Variants in ZSCAN30 observed in about 807,000 individuals in gnomAD.
The protein encoded by ZSCAN30 is zinc finger and SCAN domain containing 30.
A neutral mutation model predicts 44.3 loss-of-function variants in ZSCAN30; 37 were observed. The observed-to-expected ratio is 0.84, with a 90% CI of 0.64 to 1.10. The LOEUF (loss-of-function observed/expected upper bound fraction) is 1.10, where lower values mean the gene tolerates loss of function less well. Ranked by LOEUF, ZSCAN30 falls within the 50% of genes least tolerant of loss-of-function variation. The probability of loss-of-function intolerance (pLI) is 0.00; values close to 1 mark genes in which losing one functional copy is unlikely to be tolerated. For missense variants in ZSCAN30, 549 were observed against 582.6 expected, an observed-to-expected ratio of 0.94 and a Z score of 0.59; for synonymous variants, 181 against 204.6, an observed-to-expected ratio of 0.88 and a Z score of 0.98.
chr18:35,276,520 C>T (rs1016018608), intron 1 of ZSCAN30, among the ~76,000 whole-genome samples: 15 of 152,144 alleles, frequency 9.9e-5, no homozygotes, highest in East Asian at 9.6e-4. Flanking sequence ...GCATCCTAGC[C>T]GCTCCAGCCA....
chr18:35,260,665 A>C (rs1204096303), intron 3 of ZSCAN30: 2 of 152,020 alleles, frequency 1.3e-5, no homozygotes, highest in African/African-American at 4.8e-5. Context: ...TCTTCTTTTG[A>C]GGTCTCTGTT....
At chr18:35,269,852 A>C (rs1487444295) in intron 1 of ZSCAN30, 8 of 152,180 alleles carry the variant, frequency 5.3e-5, no homozygotes, top group Admixed American at 4.6e-4. Context: ...CAAAAAAAAA[A>C]AAAAAGACTG....
intron 1 of ZSCAN30, among the ~76,000 whole-genome samples, chr18:35,274,034 T>A (rs188059203): frequency 3.9e-5 from 6 of 152,208 alleles, no homozygotes; most frequent in African/African-American, 1.4e-4. Flanking sequence ...TCTTTATTTT[T>A]TGAGACGGAG....
chr18:35,254,335 A>T lies in ZSCAN30; in HGVS notation c.600T>A (p.Ile200=). 1 of 1,613,924 alleles carries T rather than the reference A, an allele frequency of 6.2e-7. No homozygotes were observed. Among genetic ancestry groups the T allele is most frequent in the Non-Finnish European group, 8.5e-7 (1 of 1,179,768 alleles). Residue 200 remains isoleucine (I), a synonymous_variant, in exon 4 of 4, where the codon ATT becomes ATA. Coordinates refer to ENST00000333206, the MANE Select transcript of ZSCAN30 (RefSeq NM_001112734.4). ...AGKVLMAKQE[I]VECVASAAMI... The stretch of plus-strand genomic sequence containing the variant: ...TAGCTGCTGAGGCTACACATTCAAC[A>T]ATTTCTTGCTTTGCCATCAACACTT...
intron 1 of ZSCAN30, chr18:35,283,480 G>C (rs1272247317): frequency 6.6e-6 from 1 of 152,300 alleles, no homozygotes; most frequent in Non-Finnish European, 1.5e-5. Context: ...GGCTGTGCTT[G>C]GCTAATGCTA....
At chr18:35,261,472 T>A (rs1388111124) in intron 3 of ZSCAN30, 1 of 152,252 alleles carries the variant, frequency 6.6e-6, no homozygotes, top group African/African-American at 2.4e-5. Flanking sequence ...ATATTAATTC[T>A]TCCTATCCAT....
Position 35,254,461 on chromosome 18 carries a change from A to G in ZSCAN30, c.554-80T>C, listed in dbSNP as rs544604496. On this transcript the variant is annotated intron_variant, in intron 3 of 3. Coordinates refer to ENST00000333206, the MANE Select transcript of ZSCAN30 (RefSeq NM_001112734.4). Reference sequence around the variant, plus strand: ...CTGTTGTAGCAGGAACACAAACTCAATGAAATAGGTATTTATTTATTAGGA... The same window carrying G: ...CTGTTGTAGCAGGAACACAAACTCAGTGAAATAGGTATTTATTTATTAGGA... The G allele has an allele frequency of 1.3e-3, 2,074 of 1,604,614 alleles. 36 individuals carry two copies. The South Asian group carries it at 0.022, about 17-fold the overall frequency.
At chr18:35,277,957 C>T (rs1336604928) in intron 1 of ZSCAN30, among the ~76,000 whole-genome samples, 1 of 152,114 alleles carries the variant, frequency 6.6e-6, no homozygotes, top group East Asian at 1.9e-4. Flanking sequence ...CTAAAATAGA[C>T]ATATTAAAGC....
intron 1 of ZSCAN30, among the ~76,000 whole-genome samples, chr18:35,277,482 T>A (rs2143758806): frequency 6.6e-6 from 1 of 152,270 alleles, no homozygotes; most frequent in East Asian, 1.9e-4. Flanking sequence ...GACAGCTACC[T>A]CCATGCTGTT....
At chr18:35,255,815 T>C (rs899439206) in intron 3 of ZSCAN30, 1 of 154,368 alleles carries the variant, frequency 6.5e-6, no homozygotes, top group Admixed American at 6.5e-5. Flanking sequence ...GGATTTTAGA[T>C]AGAAATTTAA....
rs1418553763 is a variant in ZSCAN30, at chr18:35,264,452, G to T, written c.-100C>A. ...CTTCTGAATTCCAACTCCCCAGGAC[G>T]CTCCTGAGGGTGGACAATGCTCATG... On this transcript the variant is annotated 5_prime_UTR_variant, in exon 2 of 4. Transcript: ENST00000333206. 3.3e-6 allele frequency: 4 copies of T among 1,217,522 alleles called. No individual in the cohort carries two copies. The highest frequency in any genetic ancestry group is 4.5e-6 in the Non-Finnish European group (4 of 881,072). 75.4% of individuals were successfully genotyped at this position (1,217,522 alleles called of 1,614,324 possible).
intron 1 of ZSCAN30, among the ~76,000 whole-genome samples, chr18:35,270,436 C>T (rs2044247304): frequency 6.6e-6 from 1 of 152,132 alleles, no homozygotes; most frequent in Non-Finnish European, 1.5e-5. Flanking sequence ...ATTTTTGTTT[C>T]TCATTTGCAT....
chr18:35,253,709 CCA>C lies in ZSCAN30; in HGVS notation c.1224_1225del (p.Gly409ArgfsTer2). The C allele has an allele frequency of 6.2e-7, 1 of 1,614,116 alleles. No individual in the cohort carries two copies. The highest frequency in any genetic ancestry group is 8.5e-7 in the Non-Finnish European group (1 of 1,180,020). ...TGCAATACATTCATAGCTTTTATCT[CCA>C]GTGTGAATTTTCTTATGCTGAATAA... On this transcript the variant is annotated frameshift_variant, in exon 4 of 4. Transcript: ENST00000333206. LOFTEE classifies it high-confidence loss of function.
chr18:35,275,500 C>G (rs2044353428), intron 1 of ZSCAN30, among the ~76,000 whole-genome samples: 1 of 152,214 alleles, frequency 6.6e-6, no homozygotes, highest in African/African-American at 2.4e-5. Context: ...CAGTTTCCCA[C>G]TAACTTACCT....
At chr18:35,266,451 G>A (rs2044151501) in intron 1 of ZSCAN30, among the ~76,000 whole-genome samples, 1 of 152,098 alleles carries the variant, frequency 6.6e-6, no homozygotes, top group Admixed American at 6.6e-5. Flanking sequence ...CACCGTATAA[G>A]GGCTTGGAAG....
intron 1 of ZSCAN30, chr18:35,289,551 C>CCT (rs1165120113): frequency 6.6e-6 from 1 of 152,012 alleles, no homozygotes; most frequent in Non-Finnish European, 1.5e-5. Context: ...AAATGAGGTC[C>CCT]CAACTCCTCA....
chr18:35,286,141 T>C (rs1405507767), intron 1 of ZSCAN30, among the ~76,000 whole-genome samples: 2 of 152,172 alleles, frequency 1.3e-5, no homozygotes, highest in Non-Finnish European at 2.9e-5. Flanking sequence ...ATAAGAAATA[T>C]ATAACCTGAA....
intron 1 of ZSCAN30, chr18:35,284,487 C>G (rs2044516819): frequency 6.5e-6 from 1 of 155,000 alleles, no homozygotes; most frequent in Non-Finnish European, 1.5e-5. Flanking sequence ...CTATGTTTGT[C>G]AGCACCCAAA....
intron 1 of ZSCAN30, among the ~76,000 whole-genome samples, chr18:35,271,937 C>A (rs910022405): frequency 4.6e-5 from 7 of 152,072 alleles, no homozygotes; most frequent in Non-Finnish European, 8.8e-5. Context: ...GCCGGCCGCT[C>A]CAAGTGCGGG....
Sources: gnomAD v4.1 joint callset for allele counts (sites outside exome capture counted in the v4.1 genomes callset) on GRCh38, gnomAD v4.1.1 for gene constraint, MANE v1.5 for transcripts, NCBI Gene and HGNC (gene_info 2026-07-23, HGNC 2026-07-21) for gene names.